The following ZDHHC14 variants were observed in gnomAD, a reference collection of about 807,000 sequenced individuals.
The protein encoded by ZDHHC14 is palmitoyltransferase ZDHHC14.
In ZDHHC14, 16 loss-of-function variants were observed where a neutral mutation model predicts 47.7. The ratio of observed to expected loss-of-function variants is 0.34; its 90% CI spans 0.23 to 0.51. The LOEUF is 0.51. Among genes scored for constraint, ZDHHC14 ranks in the 20% least tolerant of loss-of-function variants. The probability of loss-of-function intolerance (pLI) is 0.97; values close to 1 mark genes in which losing one functional copy is unlikely to be tolerated. For missense variants in ZDHHC14, 515 were observed against 662.5 expected (o/e 0.78, Z 2.44); for synonymous variants, 293 against 278.9 (o/e 1.05, Z -0.50).
chr6:157,597,844 AT>A (rs776826962), intron 3 of ZDHHC14, among the ~76,000 whole-genome samples: 1 of 152,214 alleles, frequency 6.6e-6, no homozygotes, highest in Non-Finnish European at 1.5e-5. Context: ...CTGTCCTGTC[AT>A]TTTTGGTGTG....
At chr6:157,602,434 G>C (rs1784370920) in intron 3 of ZDHHC14, among the ~76,000 whole-genome samples, 1 of 149,376 alleles carries the variant, frequency 6.7e-6, no homozygotes, top group South Asian at 2.1e-4. Flanking sequence ...AGGTTGCAGT[G>C]AGCCGAGATG....
At chr6:157,619,035 C>T (rs1187259909) in intron 3 of ZDHHC14, among the ~76,000 whole-genome samples, 1 of 152,070 alleles carries the variant, frequency 6.6e-6, no homozygotes, top group Non-Finnish European at 1.5e-5. Context: ...CTCAGGGTGT[C>T]ACTTGCTTCA....
At chr6:157,615,588 C>G (rs970869864) in intron 3 of ZDHHC14, among the ~76,000 whole-genome samples, 2 of 152,136 alleles carry the variant, frequency 1.3e-5, no homozygotes, top group Non-Finnish European at 2.9e-5. Context: ...TTGCTGAGGC[C>G]CAGAAACTGT....
intron 1 of ZDHHC14, among the ~76,000 whole-genome samples, chr6:157,402,227 G>A (rs983541415): frequency 4.6e-5 from 7 of 151,828 alleles, no homozygotes; most frequent in African/African-American, 1.7e-4. Flanking sequence ...GTCACAGCAA[G>A]TGAGATGAGC....
intron 1 of ZDHHC14, among the ~76,000 whole-genome samples, chr6:157,414,331 G>A (rs1050484729): frequency 3.3e-5 from 5 of 152,138 alleles, no homozygotes; most frequent in African/African-American, 1.2e-4. Flanking sequence ...GAAAGATGCC[G>A]ATGGCCTCTA....
intron 2 of ZDHHC14, among the ~76,000 whole-genome samples, chr6:157,563,981 G>T (rs1235365746): frequency 6.6e-6 from 1 of 152,228 alleles, no homozygotes; most frequent in Non-Finnish European, 1.5e-5. Context: ...AACCCCAAGG[G>T]CCAGACAGAA....
chr6:157,604,144 A>C (rs918734757), intron 3 of ZDHHC14, among the ~76,000 whole-genome samples: 3 of 152,108 alleles, frequency 2.0e-5, no homozygotes, highest in Non-Finnish European at 2.9e-5. Flanking sequence ...AAAATTAGCT[A>C]GGCGTGGTGG....
chr6:157,507,470 A>G (rs532305122), intron 1 of ZDHHC14, among the ~76,000 whole-genome samples: 1 of 152,108 alleles, frequency 6.6e-6, no homozygotes, highest in East Asian at 1.9e-4. Flanking sequence ...TTAGTTGAGA[A>G]GGAGTTTTGC....
intron 5 of ZDHHC14, among the ~76,000 whole-genome samples, chr6:157,641,786 A>G (rs954337615): frequency 1.8e-4 from 27 of 152,022 alleles, no homozygotes; most frequent in African/African-American, 6.3e-4. Flanking sequence ...TTCCTCAAAT[A>G]CCTTTATATT....
intron 1 of ZDHHC14, among the ~76,000 whole-genome samples, chr6:157,428,816 C>A (rs1448380238): frequency 2.0e-5 from 3 of 152,176 alleles, no homozygotes; most frequent in Admixed American, 2.0e-4. Context: ...TTGTTCTGAG[C>A]AGTCAGAGGT....
chr6:157,503,087 T>C (rs1265791416), intron 1 of ZDHHC14, among the ~76,000 whole-genome samples: 2 of 152,190 alleles, frequency 1.3e-5, no homozygotes, highest in Admixed American at 6.5e-5. Flanking sequence ...AAGCAACATA[T>C]TGATTTGCCT....
chr6:157,483,113 T>C (rs141923216), intron 1 of ZDHHC14, among the ~76,000 whole-genome samples: 5,324 of 152,304 alleles, frequency 0.035, 148 homozygotes, highest in Non-Finnish European at 0.055. Context: ...ACCTGGTAGC[T>C]ATAAGCATGC....
intron 2 of ZDHHC14, among the ~76,000 whole-genome samples, chr6:157,560,812 C>G (rs1782679358): frequency 6.6e-6 from 1 of 152,186 alleles, no homozygotes; most frequent in African/African-American, 2.4e-5. Context: ...ATAATGGGAT[C>G]CCACGGCCTT....
chr6:157,654,158 C>G (rs1777975302), intron 8 of ZDHHC14, among the ~76,000 whole-genome samples: 1 of 152,190 alleles, frequency 6.6e-6, no homozygotes, highest in Admixed American at 6.5e-5. Flanking sequence ...CAGTGCCTCT[C>G]CAGAGCGTGT....
intron 5 of ZDHHC14, 48 bp from the exon 6 acceptor site, chr6:157,645,689 C>T: frequency 6.6e-7 from 1 of 1,523,940 alleles, no homozygotes; most frequent in Non-Finnish European, 9.0e-7. Flanking sequence ...ATCACATCCA[C>T]TTCTTGCGCG....
intron 1 of ZDHHC14, among the ~76,000 whole-genome samples, chr6:157,535,666 CACGATTAG>C (rs1781522791): frequency 6.6e-6 from 1 of 152,178 alleles, no homozygotes; most frequent in African/African-American, 2.4e-5. Context: ...GGGTAATTAA[CACGATTAG>C]TCACTAATCG....
rs1783702895 is a variant in ZDHHC14, at chr6:157,586,510, T to A, written c.407-6478T>A. Among the ~76,000 whole-genome samples, 1 of 152,116 alleles carries A rather than the reference T, an allele frequency of 6.6e-6. No individual in the cohort carries two copies. The highest frequency in any genetic ancestry group is 1.5e-5 in the Non-Finnish European group (1 of 68,012). On this transcript the variant is annotated intron_variant, in intron 2 of 8. Coordinates refer to ENST00000359775, the MANE Select transcript of ZDHHC14 (RefSeq NM_024630.3). The surrounding 1 kb of genome is among the most constrained non-coding windows in gnomAD (Gnocchi z 4.6). The stretch of plus-strand genomic sequence containing the variant: ...TGCAAGGAGAGAGAAGGTTCATGGA[T>A]TGTGTGCTGTATGGGAGGGCCTGAG...
chr6:157,610,459 C>T (rs1020431823), intron 3 of ZDHHC14, among the ~76,000 whole-genome samples: 1 of 152,072 alleles, frequency 6.6e-6, no homozygotes, highest in Non-Finnish European at 1.5e-5. Context: ...AAAGAATCTA[C>T]ACCTGAAGTA....
intron 1 of ZDHHC14, among the ~76,000 whole-genome samples, chr6:157,454,171 G>C (rs927140305): frequency 6.6e-6 from 1 of 152,182 alleles, no homozygotes; most frequent in Non-Finnish European, 1.5e-5. Flanking sequence ...GTCCAGAACA[G>C]CTGCTCCAGC....
Sources: gnomAD v4.1 joint callset for allele counts (sites outside exome capture counted in the v4.1 genomes callset) on GRCh38, gnomAD v4.1.1 for gene constraint, Gnocchi (gnomAD v3.1) non-coding constraint, MANE v1.5 for transcripts, NCBI Gene and HGNC (gene_info 2026-07-23, HGNC 2026-07-21) for gene names.